The following ANAPC5 variants were observed in gnomAD, a reference collection of about 807,000 sequenced individuals.
ANAPC5 encodes the protein anaphase promoting complex subunit 5.
ANAPC5 carries 60 observed loss-of-function variants against 91.3 expected under a neutral mutation model. The ratio of observed to expected loss-of-function variants is 0.66; its 90% CI spans 0.53 to 0.81. The LOEUF is 0.81. Among genes scored for constraint, ANAPC5 ranks in the 40% least tolerant of loss-of-function variants. The probability of loss-of-function intolerance (pLI) is 0.00; values close to 1 mark genes in which losing one functional copy is unlikely to be tolerated. For synonymous variants in ANAPC5, 340 were observed against 364.1 expected (o/e 0.93, Z 0.75); for missense variants, 690 against 931.5 (o/e 0.74, Z 3.37).
intron 11 of ANAPC5, among the ~76,000 whole-genome samples, chr12:121,325,500 AAAAATT>A (rs1430025402): frequency 4.1e-4 from 2 of 4,878 alleles, no homozygotes; most frequent in African/African-American, 4.4e-4. Flanking sequence ...ATTAAAAATT[AAAAATT>A]AAAAAAAAAA....
intron 11 of ANAPC5, among the ~76,000 whole-genome samples, chr12:121,324,729 T>C (rs554640281): frequency 3.8e-4 from 58 of 151,940 alleles, no homozygotes; most frequent in Non-Finnish European, 8.8e-5. Context: ...AGATTCCATC[T>C]CTAAGAAACA....
chr12:121,322,732 T>G (rs1158589754), intron 11 of ANAPC5, among the ~76,000 whole-genome samples: 1 of 152,050 alleles, frequency 6.6e-6, no homozygotes, highest in African/African-American at 2.4e-5. Flanking sequence ...GCATAAAACC[T>G]TAGAAGTAGG....
chr12:121,346,289 T>C (rs184692462), intron 3 of ANAPC5: 2 of 364,514 alleles, frequency 5.5e-6, no homozygotes, highest in East Asian at 4.6e-5. Flanking sequence ...TCATGGCTGT[T>C]ACACTATCTG....
At chr12:121,339,051 TTTC>T (rs1275299735) in intron 5 of ANAPC5, among the ~76,000 whole-genome samples, 1 of 150,604 alleles carries the variant, frequency 6.6e-6, no homozygotes, top group Non-Finnish European at 1.5e-5. Context: ...ATGACTTTTT[TTTC>T]TTTTTTTTTT....
intron 5 of ANAPC5, 151 bp downstream of exon 5, chr12:121,341,852 A>G (rs1260422035): frequency 4.2e-6 from 2 of 472,882 alleles, no homozygotes; most frequent in Non-Finnish European, 7.4e-6. Flanking sequence ...GTGCTTCGTT[A>G]GTGAGGCAGA....
In ANAPC5 at chr12:121,352,404, A is replaced by G; in HGVS notation, c.-64T>C. On this transcript the variant is annotated 5_prime_UTR_variant, in exon 1 of 17. Transcript: ENST00000261819. ...CCGCCAGTTGTCACCACAAGGCACA[A>G]CACTACCGGGTCTACATCTCCGCCC... 1 of 1,339,328 alleles carries G rather than the reference A, an allele frequency of 7.5e-7. No individual in the cohort carries two copies. The highest frequency in any genetic ancestry group is 1.0e-6 in the Non-Finnish European group (1 of 960,830). The allele number at this position is 1,339,328 out of a possible 1,614,324, so 83.0% of individuals were successfully genotyped here.
intron 15 of ANAPC5, 140 bp downstream of exon 15, chr12:121,318,137 C>T (rs1026229100): frequency 2.8e-6 from 3 of 1,071,182 alleles, no homozygotes; most frequent in Non-Finnish European, 3.7e-6. Context: ...CCTTGGAGGG[C>T]TTGCACAGGA....
In ANAPC5 at chr12:121,342,574, G is replaced by A. The variant is rs1480741221; in HGVS notation, c.591-505C>T. On this transcript the variant is annotated intron_variant, in intron 4 of 16. Coordinates refer to ENST00000261819, the MANE Select transcript of ANAPC5 (RefSeq NM_016237.5). The surrounding 1 kb of genome is among the most constrained non-coding windows in gnomAD (Gnocchi z 4.1). ...TTAAAAACTCTTAGAAGAAAACATC[G>A]AGGAGGCCAAGCGCGGTGGCTCACA... 2.0e-5 allele frequency among the ~76,000 whole-genome samples: 3 copies of A among 152,000 alleles called. No individual in the cohort carries two copies. Among genetic ancestry groups the A allele is most frequent in the Admixed American group, 6.5e-5 (1 of 15,268 alleles).
At chr12:121,327,265 G>A in intron 10 of ANAPC5, 34 bp from the exon 11 acceptor site, 1 of 1,607,360 alleles carries the variant, frequency 6.2e-7, no homozygotes, top group Non-Finnish European at 8.5e-7. Context: ...TTTCCTTTCA[G>A]CAGCAGACCT....
intron 11 of ANAPC5, among the ~76,000 whole-genome samples, chr12:121,322,619 G>A (rs1593583049): frequency 6.6e-6 from 1 of 152,072 alleles, no homozygotes; most frequent in East Asian, 1.9e-4. Flanking sequence ...AAAATAATCT[G>A]GTTTTTGATA....
intron 15 of ANAPC5, among the ~76,000 whole-genome samples, chr12:121,314,035 T>G (rs921151825): frequency 6.6e-6 from 1 of 152,164 alleles, no homozygotes; most frequent in South Asian, 2.1e-4. Context: ...AAAAGGAACA[T>G]ACACTATGAC....
intron 15 of ANAPC5, among the ~76,000 whole-genome samples, chr12:121,317,057 C>T (rs1902394608): frequency 6.6e-6 from 1 of 152,006 alleles, no homozygotes; most frequent in South Asian, 2.1e-4. Context: ...GAGACAGAAA[C>T]CGGTGAGAGG....
intron 5 of ANAPC5, among the ~76,000 whole-genome samples, chr12:121,338,315 C>G (rs1421543483): frequency 6.6e-6 from 1 of 151,448 alleles, no homozygotes; most frequent in Admixed American, 6.6e-5. Context: ...ATTGGCCAGG[C>G]GTGGTGGCTC....
intron 7 of ANAPC5, chr12:121,331,782 C>T (rs1384951724): frequency 1.9e-5 from 3 of 159,414 alleles, no homozygotes; most frequent in South Asian, 1.9e-4. Context: ...CATTATTTGA[C>T]CTTTTTTCTT....
intron 15 of ANAPC5, among the ~76,000 whole-genome samples, chr12:121,316,537 C>T (rs1003082203): frequency 6.6e-5 from 10 of 151,676 alleles, no homozygotes; most frequent in Admixed American, 5.9e-4. Context: ...ATCGAGACCA[C>T]CCTGGCTAAC....
rs187353514 is a variant in ANAPC5 at position 121,316,686 on chromosome 12, T to C, written c.1893+1591A>G. Among the ~76,000 whole-genome samples the C allele has an allele frequency of 5.9e-3, 839 of 142,264 alleles. 9 individuals are homozygous for C. Among genetic ancestry groups the C allele is most frequent in the African/African-American group, 0.022 (802 of 37,132 alleles). The allele number at this position is 142,264 out of a possible 152,430, so 93.3% of individuals were successfully genotyped here. A position where few individuals can be genotyped will look rare whatever the true frequency, so the allele number is the denominator to read the frequency against. On this transcript the variant is annotated intron_variant, in intron 15 of 16. Coordinates refer to ENST00000261819, the MANE Select transcript of ANAPC5 (RefSeq NM_016237.5). Reference sequence around the variant, plus strand: ...AGGCGGAGCTTGCAGTGAGCCGAGATTGCACCACTGCACTCCAGCCTGGGT... The same window carrying C: ...AGGCGGAGCTTGCAGTGAGCCGAGACTGCACCACTGCACTCCAGCCTGGGT...
At chr12:121,316,731 T>A (rs1415933762) in intron 15 of ANAPC5, among the ~76,000 whole-genome samples, 2 of 37,736 alleles carry the variant, frequency 5.3e-5, no homozygotes, top group African/African-American at 2.0e-4. Context: ...AGACTCTGTC[T>A]CAAAAAAAAA....
chr12:121,348,076 T>TG (rs1346918857), intron 1 of ANAPC5, among the ~76,000 whole-genome samples, 195 bp from the exon 2 acceptor site: 1 of 152,224 alleles, frequency 6.6e-6, no homozygotes, highest in African/African-American at 2.4e-5. Flanking sequence ...GTCAGTGGAA[T>TG]GGTCTAAAAT....
chr12:121,314,865 A>G (rs1417546493), intron 15 of ANAPC5, among the ~76,000 whole-genome samples: 1 of 152,120 alleles, frequency 6.6e-6, no homozygotes, highest in African/African-American at 2.4e-5. Context: ...TCCTGGCCTT[A>G]AGTAATCTGC....
Sources: allele counts gnomAD v4.1 joint callset (sites outside exome capture counted in the v4.1 genomes callset), GRCh38; gene constraint gnomAD v4.1.1; non-coding constraint Gnocchi (gnomAD v3.1); transcripts MANE v1.5; gene names NCBI Gene and HGNC (gene_info 2026-07-23, HGNC 2026-07-21).